SV2C: variants seen among roughly 807,000 people sequenced by gnomAD.
SV2C encodes solute carrier family 22 member B3.
Under a neutral mutation model 79.7 loss-of-function variants are expected in SV2C, and 49 were observed. The observed-to-expected ratio is 0.61, with a 90% CI of 0.49 to 0.78. The LOEUF (loss-of-function observed/expected upper bound fraction) is 0.78, where lower values mean the gene tolerates loss of function less well. Ranked by LOEUF, SV2C falls within the 30% of genes least tolerant of loss-of-function variation. The pLI is 0.00. For synonymous variants in SV2C, 334 were observed against 333.2 expected, an observed-to-expected ratio of 1.00 and a Z score of -0.03; for missense variants, 833 against 912.9, an observed-to-expected ratio of 0.91 and a Z score of 1.13.
At chr5:76,160,950 C>A (rs1271057708) in intron 2 of SV2C, among the ~76,000 whole-genome samples, 1 of 79,890 alleles carries the variant, frequency 1.3e-5, no homozygotes, top group Non-Finnish European at 2.2e-5. Flanking sequence ...AATGGTGTGA[C>A]CACTTTGGAA....
the SV2C span, among the ~76,000 whole-genome samples, chr5:75,902,593 CT>C: frequency 2.0e-5 from 3 of 152,212 alleles, no homozygotes; most frequent in Admixed American, 2.0e-4. Flanking sequence ...CTCAAATGGT[CT>C]ATTTTGCCTC....
At chr5:75,901,568 C>A in the SV2C span, among the ~76,000 whole-genome samples, 9 of 152,224 alleles carry the variant, frequency 5.9e-5, no homozygotes, top group African/African-American at 1.9e-4. Context: ...CAATCTGCCC[C>A]TTCTCAGATC....
intron 4 of SV2C, among the ~76,000 whole-genome samples, chr5:76,266,104 G>A (rs914586821): frequency 6.6e-6 from 1 of 152,038 alleles, no homozygotes; most frequent in Non-Finnish European, 1.5e-5. Context: ...AGAGAAAGAT[G>A]CTGAGAAAAG....
At position 76,209,817 on chromosome 5, in the gene SV2C, G is replaced by T; in HGVS notation, c.843G>T (p.Trp281Cys). The T allele has an allele frequency of 1.2e-6, 2 of 1,614,208 alleles. No homozygotes were observed. Reference sequence around the variant, plus strand: ...AAAAGCGGGGCGAACACTTGAGCTGGCTCTGCATGTTCTGGATGATCGGTG... The same window carrying T: ...AAAAGCGGGGCGAACACTTGAGCTGTCTCTGCATGTTCTGGATGATCGGTG... ...AREKRGEHLS[W>C]LCMFWMIGGI... The change falls in exon 4 of 13, where the codon TGG becomes TGT. Residue 281 changes from tryptophan to cysteine, a missense_variant. Coordinates refer to ENST00000502798, the MANE Select transcript of SV2C (RefSeq NM_014979.4).
the SV2C span, among the ~76,000 whole-genome samples, chr5:76,063,845 G>A: frequency 6.6e-6 from 1 of 151,986 alleles, no homozygotes; most frequent in Non-Finnish European, 1.5e-5. Flanking sequence ...GGACTTATTT[G>A]TTTTTTACTG....
the SV2C span, among the ~76,000 whole-genome samples, chr5:75,904,857 G>A: frequency 2.0e-5 from 3 of 152,154 alleles, no homozygotes; most frequent in Non-Finnish European, 2.9e-5. Context: ...ATATCTTAGC[G>A]AGAATTAACA....
intron 4 of SV2C, among the ~76,000 whole-genome samples, chr5:76,268,692 T>C (rs953942453): frequency 5.3e-5 from 8 of 152,162 alleles, no homozygotes; most frequent in Non-Finnish European, 1.0e-4. Context: ...TTTCAGAAAG[T>C]ATTTGATGGA....
intron 2 of SV2C, among the ~76,000 whole-genome samples, chr5:76,155,820 C>T (rs931838786): frequency 1.3e-5 from 2 of 151,698 alleles, no homozygotes; most frequent in Non-Finnish European, 2.9e-5. Flanking sequence ...TTCTAGAGCC[C>T]TAACTCAGAG....
chr5:75,855,162 G>A, the SV2C span, among the ~76,000 whole-genome samples: 1 of 152,064 alleles, frequency 6.6e-6, no homozygotes, highest in South Asian at 2.1e-4. Flanking sequence ...ATTCCTGCTG[G>A]AATTTTGAAT....
chr5:76,282,444 C>T (rs1580019199), intron 4 of SV2C, among the ~76,000 whole-genome samples: 3 of 152,228 alleles, frequency 2.0e-5, no homozygotes. Context: ...CTTTTTGTAA[C>T]AAATTGTTTG....
chr5:75,900,062 A>G, the SV2C span, among the ~76,000 whole-genome samples: 11 of 152,152 alleles, frequency 7.2e-5, no homozygotes, highest in Non-Finnish European at 1.2e-4. Context: ...TATTCCATTT[A>G]CATTTAAAGT....
intron 4 of SV2C, among the ~76,000 whole-genome samples, chr5:76,280,565 G>A (rs1488282144): frequency 2.0e-5 from 3 of 152,166 alleles, no homozygotes; most frequent in African/African-American, 4.8e-5. Context: ...CAAAATTCCC[G>A]AGACCAGCTG....
At chr5:76,173,520 G>A (rs551876074) in intron 2 of SV2C, 1 of 1,096,934 alleles carries the variant, frequency 9.1e-7, no homozygotes, top group African/African-American at 1.5e-5. Flanking sequence ...ACCACCACAG[G>A]AAAGTCCATT....
intron 2 of SV2C, among the ~76,000 whole-genome samples, chr5:76,189,131 G>A (rs1744018020): frequency 6.6e-6 from 1 of 152,180 alleles, no homozygotes; most frequent in East Asian, 1.9e-4. Context: ...GAGATCTTAA[G>A]TATAGTTAGA....
At chr5:76,124,016 G>A (rs1448664033) in intron 1 of SV2C, among the ~76,000 whole-genome samples, 1 of 152,058 alleles carries the variant, frequency 6.6e-6, no homozygotes, top group Non-Finnish European at 1.5e-5. Context: ...GGCATCTCTG[G>A]GTGGCAGAAA....
the SV2C span, among the ~76,000 whole-genome samples, chr5:75,984,321 T>C: frequency 6.6e-6 from 1 of 152,098 alleles, no homozygotes; most frequent in South Asian, 2.1e-4. Context: ...CTTTTTATAA[T>C]AATAGCAAAT....
chr5:76,120,313 T>A (rs549574275), intron 1 of SV2C, among the ~76,000 whole-genome samples: 13 of 151,896 alleles, frequency 8.6e-5, no homozygotes, highest in Admixed American at 8.5e-4. Flanking sequence ...CATCAAAGAT[T>A]TTTTTTGTTT....
At chr5:76,297,387 G>T (rs1747811779) in intron 9 of SV2C, among the ~76,000 whole-genome samples, 1 of 152,154 alleles carries the variant, frequency 6.6e-6, no homozygotes, top group African/African-American at 2.4e-5. Context: ...GACAACAATG[G>T]TTATTCTGGG....
the SV2C span, among the ~76,000 whole-genome samples, chr5:75,965,882 C>T: frequency 1 from 152,141 of 152,324 alleles, 75,982 homozygotes; most frequent in Middle Eastern, 1. Context: ...TACTTGGCTA[C>T]CAAAAATGCT....
Sources: allele counts gnomAD v4.1 joint callset (sites outside exome capture counted in the v4.1 genomes callset), GRCh38; gene constraint gnomAD v4.1.1; transcripts MANE v1.5; gene names NCBI Gene and HGNC (gene_info 2026-07-23, HGNC 2026-07-21).